Variants in KCNN2 observed in about 807,000 individuals in gnomAD.
KCNN2 encodes the protein potassium calcium-activated channel subfamily N member 2.
KCNN2 carries 24 observed loss-of-function variants against 55.5 expected under a neutral mutation model. The ratio of observed to expected loss-of-function variants is 0.43; its 90% confidence interval spans 0.31 to 0.61. The LOEUF is 0.61. Among genes scored for constraint, KCNN2 ranks in the 20% least tolerant of loss-of-function variants. The probability of loss-of-function intolerance (pLI) is 0.08; values close to 1 mark genes in which losing one functional copy is unlikely to be tolerated. For missense variants in KCNN2, 754 were observed against 853.6 expected (o/e 0.88, Z 1.45); for synonymous variants, 431 against 336.1 (o/e 1.28, Z -3.09).
chr5:114,209,739 C>T (rs1753842146), intron 1 of KCNN2, among the ~76,000 whole-genome samples: 1 of 152,132 alleles, frequency 6.6e-6, no homozygotes, highest in South Asian at 2.1e-4. Context: ...AATCTCTGTT[C>T]AGCTTTCTTT....
chr5:114,098,721 A>G (rs78253734), intron 1 of KCNN2, among the ~76,000 whole-genome samples: 12,369 of 152,190 alleles, frequency 0.081, 679 homozygotes, highest in Non-Finnish European at 0.11. Context: ...TTGCCCAAAG[A>G]AAAAGAAAGG....
intron 1 of KCNN2, among the ~76,000 whole-genome samples, chr5:114,080,613 G>A (rs1052347314): frequency 6.6e-6 from 1 of 152,014 alleles, no homozygotes; most frequent in Admixed American, 6.6e-5. Context: ...TTTAGAAAAA[G>A]CATTTAATAA....
At chr5:114,424,491 C>T (rs185636660) in intron 3 of KCNN2, among the ~76,000 whole-genome samples, 7 of 152,324 alleles carry the variant, frequency 4.6e-5, no homozygotes, top group African/African-American at 1.2e-4. Context: ...CCACTGCCTA[C>T]ATCTTATGCC....
intron 1 of KCNN2, among the ~76,000 whole-genome samples, chr5:114,216,426 T>TATGTATACC (rs936014237): frequency 2.0e-5 from 3 of 152,176 alleles, no homozygotes; most frequent in African/African-American, 7.2e-5. Flanking sequence ...CTGAAACCAT[T>TATGTATACC]ATGTATACCC....
intron 3 of KCNN2, among the ~76,000 whole-genome samples, chr5:114,455,806 TA>T (rs1760899482): frequency 6.6e-6 from 1 of 152,166 alleles, no homozygotes; most frequent in African/African-American, 2.4e-5. Context: ...GGATAGAAGA[TA>T]AAACAAGCTG....
At chr5:114,103,193 G>A (rs1751408048) in intron 1 of KCNN2, among the ~76,000 whole-genome samples, 1 of 152,022 alleles carries the variant, frequency 6.6e-6, no homozygotes, top group African/African-American at 2.4e-5. Context: ...TACTTTCTTT[G>A]TAGCAATTGT....
chr5:114,071,892 G>A (rs1750576667), intron 1 of KCNN2, among the ~76,000 whole-genome samples: 2 of 152,192 alleles, frequency 1.3e-5, no homozygotes, highest in Non-Finnish European at 2.9e-5. Context: ...GTTGGGAGGT[G>A]GGGCCTCATA....
At position 114,252,485 on chromosome 5, in the gene KCNN2, C is replaced by T. The variant is rs149189324; in HGVS notation, c.-185+30920C>T. Among the ~76,000 whole-genome samples, 579 of 152,138 alleles carry T rather than the reference C, an allele frequency of 3.8e-3. 1 individual carries two copies. The highest frequency in any genetic ancestry group is 0.014 in the African/African-American group (566 of 41,506). On this transcript the variant is annotated intron_variant, in intron 2 of 10. Coordinates refer to the KCNN2 transcript ENST00000512097. ...GTTCTGCATTTGTACAGATATGTTC[C>T]CTCTCTGTTTTCTCTCTCAACAGTA...
intron 2 of KCNN2, among the ~76,000 whole-genome samples, chr5:114,319,332 C>T (rs1166060801): frequency 6.6e-6 from 1 of 152,098 alleles, no homozygotes; most frequent in African/African-American, 2.4e-5. Flanking sequence ...CTGAAGAGCC[C>T]TATGAAGACA....
At chr5:114,437,477 G>A (rs1760049315) in intron 3 of KCNN2, among the ~76,000 whole-genome samples, 2 of 152,252 alleles carry the variant, frequency 1.3e-5, no homozygotes, top group Non-Finnish European at 2.9e-5. Flanking sequence ...TCTTTTTGTA[G>A]TGAAGACTCA....
At chr5:114,312,022 C>T (rs1254671860) in intron 2 of KCNN2, among the ~76,000 whole-genome samples, 3 of 152,140 alleles carry the variant, frequency 2.0e-5, no homozygotes, top group Non-Finnish European at 4.4e-5. Context: ...CTGTTATCCA[C>T]TTCTTTTCAT....
intron 2 of KCNN2, among the ~76,000 whole-genome samples, chr5:114,344,721 G>A (rs776451499): frequency 2.6e-5 from 4 of 152,286 alleles, no homozygotes; most frequent in South Asian, 4.2e-4. Context: ...GAGTCTAAGC[G>A]TTTAGAGGTT....
chr5:114,293,959 G>A (rs1242171335), intron 2 of KCNN2, among the ~76,000 whole-genome samples: 1 of 152,184 alleles, frequency 6.6e-6, no homozygotes, highest in South Asian at 2.1e-4. Flanking sequence ...ATTTCTTCTA[G>A]ATTTTCTAGT....
intron 1 of KCNN2, among the ~76,000 whole-genome samples, chr5:114,117,271 G>A (rs1259202779): frequency 6.6e-6 from 1 of 152,142 alleles, no homozygotes; most frequent in Non-Finnish European, 1.5e-5. Context: ...AACCGCAGTA[G>A]CTTTTTTCAC....
At chr5:114,081,743 G>A (rs1367341010) in intron 1 of KCNN2, among the ~76,000 whole-genome samples, 2 of 152,088 alleles carry the variant, frequency 1.3e-5, no homozygotes, top group Non-Finnish European at 2.9e-5. Flanking sequence ...AAAGGCACGG[G>A]CAACAAAAGA....
At position 114,438,447 on chromosome 5, in the gene KCNN2, T is replaced by C. The variant is rs546457520; in HGVS notation, c.1638-24602T>C. Among the ~76,000 whole-genome samples the C allele has an allele frequency of 5.9e-5, 9 of 152,284 alleles. No individual in the cohort carries two copies. In the South Asian group the frequency reaches 1.9e-3, roughly 32 times the overall value. On this transcript the variant is annotated intron_variant, in intron 3 of 7. Coordinates refer to ENST00000673685, the MANE Select transcript of KCNN2 (RefSeq NM_021614.4). ...TGGTATTAGAAAAAATATATTTCTG[T>C]TGCAACTTTTGATCTTTTGGGGACA... is the stretch of plus-strand genomic sequence containing the variant.
chr5:114,076,716 T>C (rs1968913), intron 1 of KCNN2, among the ~76,000 whole-genome samples: 132,740 of 152,214 alleles, frequency 0.87, 58,043 homozygotes, highest in Non-Finnish European at 0.9. Context: ...TTTTGAGAGA[T>C]GGAGGCTCGC....
At chr5:114,442,007 A>G (rs1310752933) in intron 3 of KCNN2, among the ~76,000 whole-genome samples, 1 of 152,216 alleles carries the variant, frequency 6.6e-6, no homozygotes. Context: ...CTTTCATTGC[A>G]TACTATTTTA....
intron 1 of KCNN2, among the ~76,000 whole-genome samples, chr5:114,158,141 AAC>A (rs1464520568): frequency 6.6e-6 from 1 of 151,870 alleles, no homozygotes; most frequent in Non-Finnish European, 1.5e-5. Flanking sequence ...TTTTAGGTCT[AAC>A]ATGTAAGTCT....
Sources: gnomAD v4.1 joint callset for allele counts (sites outside exome capture counted in the v4.1 genomes callset) on GRCh38, gnomAD v4.1.1 for gene constraint, MANE v1.5 for transcripts, NCBI Gene and HGNC (gene_info 2026-07-23, HGNC 2026-07-21) for gene names.